Variants in ARHGAP8 observed in about 807,000 individuals in gnomAD.
The protein encoded by ARHGAP8 is Rho GTPase activating protein 8.
ARHGAP8 carries 62 observed loss-of-function variants against 46.1 expected under a neutral mutation model. The ratio of observed to expected loss-of-function variants is 1.34; its 90% CI spans 1.10 to 1.66. The LOEUF is 1.66. Ranked by LOEUF, ARHGAP8 falls within the 40% of genes most tolerant of loss-of-function variation. The pLI is 0.00. For synonymous variants in ARHGAP8, 375 were observed against 243.1 expected, an observed-to-expected ratio of 1.54 and a Z score of -5.05; for missense variants, 923 against 568.4, an observed-to-expected ratio of 1.62 and a Z score of -6.34.
At chr22:44,855,393 G>C (rs139213881) in intron 10 of ARHGAP8, among the ~76,000 whole-genome samples, 1 of 152,018 alleles carries the variant, frequency 6.6e-6, no homozygotes, top group Non-Finnish European at 1.5e-5. Context: ...TCAAACTCCT[G>C]GGCTCAAGTG....
intron 2 of ARHGAP8, among the ~76,000 whole-genome samples, chr22:44,787,640 C>T (rs1245212389): frequency 1.3e-5 from 2 of 152,102 alleles, no homozygotes; most frequent in African/African-American, 4.8e-5. Context: ...CCACCGTGCC[C>T]GGCCTTGCAT....
rs1297599719 is a variant in ARHGAP8, at chr22:44,802,176, G to GC, written c.167+17dup. The GC allele has an allele frequency of 6.2e-7, 1 of 1,613,918 alleles. No homozygotes were observed. The highest frequency in any genetic ancestry group is 8.5e-7 in the Non-Finnish European group (1 of 1,179,880). ...CAGCGGCTGCTGGAGTAAGTGTTCT[G>GC]CCCCCTCTCTTTCTGTCCCTGTCTC... On this transcript the variant is annotated intron_variant, in intron 3 of 11. Transcript: ENST00000356099.
intron 2 of ARHGAP8, among the ~76,000 whole-genome samples, chr22:44,797,508 G>A (rs980817517): frequency 6.6e-5 from 10 of 152,206 alleles, no homozygotes; most frequent in African/African-American, 2.4e-4. Flanking sequence ...AAATAAAAGT[G>A]TGGCTTGCAG....
At chr22:44,833,096 C>CTTTTCTTTTCT (rs535842585) in intron 7 of ARHGAP8, among the ~76,000 whole-genome samples, 7,893 of 120,588 alleles carry the variant, frequency 0.065, 367 homozygotes, top group East Asian at 0.22. Context: ...CTTTTCTTTT[C>CTTTTCTTTTCT]TTTTTTTTTT....
chr22:44,841,443 G>A (rs975770905), intron 7 of ARHGAP8, among the ~76,000 whole-genome samples: 3 of 152,074 alleles, frequency 2.0e-5, no homozygotes, highest in African/African-American at 7.2e-5. Flanking sequence ...TAGCTCTCAC[G>A]CCTGCTCCCT....
chr22:44,845,119 C>T, intron 7 of ARHGAP8, 150 bp from the exon 8 acceptor site: 2 of 865,394 alleles, frequency 2.3e-6, no homozygotes, highest in Non-Finnish European at 3.5e-6. Flanking sequence ...AGACTTTCTA[C>T]TTCCTGAGGG....
intron 11 of ARHGAP8, among the ~76,000 whole-genome samples, chr22:44,860,374 C>T (rs1030464574): frequency 1.3e-5 from 2 of 152,132 alleles, no homozygotes; most frequent in Non-Finnish European, 2.9e-5. Context: ...GTTCCCCTTC[C>T]TGGCCTCTCC....
At chr22:44,791,053 T>C (rs1434890872) in intron 2 of ARHGAP8, among the ~76,000 whole-genome samples, 4 of 152,152 alleles carry the variant, frequency 2.6e-5, no homozygotes, top group Admixed American at 6.5e-5. Context: ...TTCTTCAATG[T>C]GCCTCCCTCC....
At chr22:44,786,910 G>T (rs934694916) in intron 2 of ARHGAP8, among the ~76,000 whole-genome samples, 1 of 152,164 alleles carries the variant, frequency 6.6e-6, no homozygotes, top group Admixed American at 6.5e-5. Flanking sequence ...CCAGCTACTT[G>T]CGGGGCTGAG....
At chr22:44,762,860 A>G (rs1057061080) in intron 1 of ARHGAP8, among the ~76,000 whole-genome samples, 4 of 151,896 alleles carry the variant, frequency 2.6e-5, no homozygotes, top group Admixed American at 2.6e-4. Context: ...AGCTCTCTTG[A>G]CCGTACCTGA....
At chr22:44,814,779 G>C (rs1447759679) in intron 5 of ARHGAP8, 21 bp downstream of exon 5, 12 of 1,612,802 alleles carry the variant, frequency 7.4e-6, no homozygotes, top group Admixed American at 1.7e-5. Context: ...CTCTGGGAGA[G>C]GACCTCGCTG....
At chr22:44,842,902 G>A (rs1020659687) in intron 7 of ARHGAP8, among the ~76,000 whole-genome samples, 4 of 152,228 alleles carry the variant, frequency 2.6e-5, no homozygotes, top group Admixed American at 1.3e-4. Context: ...GACCCCAGGT[G>A]GGCCTGTGTT....
chr22:44,830,759 G>A (rs147116551), intron 7 of ARHGAP8, among the ~76,000 whole-genome samples: 2,558 of 151,608 alleles, frequency 0.017, 29 homozygotes, highest in African/African-American at 0.025. Flanking sequence ...GGCTGGTCTC[G>A]AACTCTTGAC....
intron 6 of ARHGAP8, among the ~76,000 whole-genome samples, chr22:44,823,144 C>A (rs1247173445): frequency 6.6e-6 from 1 of 152,204 alleles, no homozygotes; most frequent in Non-Finnish European, 1.5e-5. Flanking sequence ...ATAATAACTT[C>A]TCTCCGGACG....
intron 10 of ARHGAP8, among the ~76,000 whole-genome samples, chr22:44,855,235 G>A (rs1476384077): frequency 1.3e-5 from 2 of 151,878 alleles, no homozygotes; most frequent in Middle Eastern, 6.8e-3. Context: ...TTTTTTTTAA[G>A]ACAGGGTCTC....
chr22:44,821,164 GCT>G (rs1930103145), intron 5 of ARHGAP8, among the ~76,000 whole-genome samples: 1 of 152,172 alleles, frequency 6.6e-6, no homozygotes, highest in Non-Finnish European at 1.5e-5. Flanking sequence ...AGGCACGGTG[GCT>G]CATGCCTGTA....
intron 11 of ARHGAP8, among the ~76,000 whole-genome samples, chr22:44,860,929 T>G (rs553029984): frequency 1.3e-5 from 2 of 152,066 alleles, no homozygotes; most frequent in Admixed American, 6.5e-5. Context: ...ATGTCACTTC[T>G]TGGTTTTACA....
chr22:44,762,342 G>A (rs1925190845), intron 1 of ARHGAP8, among the ~76,000 whole-genome samples: 1 of 152,014 alleles, frequency 6.6e-6, no homozygotes, highest in Non-Finnish European at 1.5e-5. Context: ...AGGCTGAGGT[G>A]GGAGGATCGC....
intron 1 of ARHGAP8, among the ~76,000 whole-genome samples, chr22:44,756,640 ACCCCTTCTCT>A (rs1284213283): frequency 1.1e-5 from 1 of 91,210 alleles, no homozygotes; most frequent in Admixed American, 1.3e-4. Context: ...CCACCCTCTC[ACCCCTTCTCT>A]CCCCTCCCTA....
Sources: gnomAD v4.1 joint callset for allele counts (sites outside exome capture counted in the v4.1 genomes callset) on GRCh38, gnomAD v4.1.1 for gene constraint, MANE v1.5 for transcripts, NCBI Gene and HGNC (gene_info 2026-07-23, HGNC 2026-07-21) for gene names.